Variants in COL11A1 observed in about 807,000 individuals in gnomAD.
COL11A1 encodes collagen type XI alpha 1 chain.
Under a neutral mutation model 265.2 loss-of-function variants are expected in COL11A1, and 74 were observed. That is an observed-to-expected ratio of 0.28 (90% CI 0.23 to 0.34). The LOEUF is 0.34. Ranked by LOEUF, COL11A1 falls within the 10% of genes least tolerant of loss-of-function variation. The pLI is 1.00. For synonymous variants in COL11A1, 816 were observed against 727.6 expected, an observed-to-expected ratio of 1.12 and a Z score of -1.96; for missense variants, 2,165 against 2,263.6, an observed-to-expected ratio of 0.96 and a Z score of 0.88.
At chr1:102,901,789 C>T (rs1653240843) in intron 54 of COL11A1, among the ~76,000 whole-genome samples, 1 of 152,190 alleles carries the variant, frequency 6.6e-6, no homozygotes, top group South Asian at 2.1e-4. Context: ...CTTCTTTTCA[C>T]TATTCAAGTT....
intron 14 of COL11A1, among the ~76,000 whole-genome samples, chr1:103,010,604 G>A (rs1410822527): frequency 6.6e-6 from 1 of 151,984 alleles, no homozygotes; most frequent in East Asian, 1.9e-4. Flanking sequence ...CATTGCTGCC[G>A]TTAGCCTCTA....
rs1288429994 is a variant in COL11A1, at chr1:102,898,828, T to C, written c.4141-55A>G. The C allele has an allele frequency of 4.6e-6, 7 of 1,523,056 alleles. No homozygotes were observed. The East Asian group carries it at 1.2e-4, about 25-fold the overall frequency. 94.3% of individuals were successfully genotyped at this position (1,523,056 alleles called of 1,614,324 possible). On this transcript the variant is annotated intron_variant, in intron 55 of 66. Coordinates refer to ENST00000370096, the MANE Select transcript of COL11A1 (RefSeq NM_001854.4). The stretch of plus-strand genomic sequence containing the variant: ...TAGTGATGAGAAAATACTTTTATTA[T>C]TTTATTAAATGCACTGAAAAAAGTA...
intron 46 of COL11A1, among the ~76,000 whole-genome samples, chr1:102,932,190 A>G (rs569407266): frequency 6.6e-6 from 1 of 151,786 alleles, no homozygotes; most frequent in Admixed American, 6.6e-5. Flanking sequence ...CCTAGTCTCG[A>G]TGGTCTTTAC....
intron 15 of COL11A1, 29 bp downstream of exon 15, chr1:103,008,434 G>A (rs759189134): frequency 6.3e-7 from 1 of 1,594,952 alleles, no homozygotes; most frequent in Non-Finnish European, 8.6e-7. Context: ...AGCCAGTCAA[G>A]AATAAAAAGT....
chr1:103,103,989 A>C (rs1293686688), intron 1 of COL11A1, among the ~76,000 whole-genome samples: 9 of 152,058 alleles, frequency 5.9e-5, no homozygotes, highest in African/African-American at 2.2e-4. Context: ...AAAAACCTTG[A>C]ATATTACAAG....
At chr1:102,935,008 T>A in intron 45 of COL11A1, 52 bp downstream of exon 45, 2 of 1,568,386 alleles carry the variant, frequency 1.3e-6, no homozygotes, top group Non-Finnish European at 1.8e-6. Context: ...TATACAAATT[T>A]AATCAGGGAG....
At chr1:102,995,300 A>G (rs1664516787) in intron 28 of COL11A1, among the ~76,000 whole-genome samples, 1 of 152,104 alleles carries the variant, frequency 6.6e-6, no homozygotes, top group African/African-American at 2.4e-5. Context: ...AAAAGATGCC[A>G]TATGCATTCA....
At chr1:103,013,684 T>A (rs12723922) in intron 13 of COL11A1, among the ~76,000 whole-genome samples, 3,647 of 152,010 alleles carry the variant, frequency 0.024, 62 homozygotes, top group Middle Eastern at 0.088. Context: ...TTTTTACACA[T>A]GCTGCATAAA....
chr1:102,995,703 C>T (rs1664558882), intron 28 of COL11A1, among the ~76,000 whole-genome samples, 161 bp downstream of exon 28: 2 of 151,526 alleles, frequency 1.3e-5, no homozygotes, highest in South Asian at 4.2e-4. Flanking sequence ...AGATATAAGA[C>T]ATTGTTTTTA....
At chr1:102,899,086 A>G in intron 54 of COL11A1, 92 bp from the exon 55 acceptor site, 1 of 634,588 alleles carries the variant, frequency 1.6e-6, no homozygotes. Context: ...TTAGTTTGTA[A>G]CAGATGAATA....
chr1:103,068,661 T>C (rs1036375049), intron 4 of COL11A1, among the ~76,000 whole-genome samples: 1 of 151,208 alleles, frequency 6.6e-6, no homozygotes, highest in African/African-American at 2.4e-5. Context: ...ACTTGCAAAA[T>C]GGTCCCTACT....
At chr1:102,922,173 A>G (rs555197872) in intron 47 of COL11A1, among the ~76,000 whole-genome samples, 94 of 152,300 alleles carry the variant, frequency 6.2e-4, no homozygotes, top group African/African-American at 2.2e-3. Context: ...TCTACAGCGA[A>G]TTTGTTTTTC....
At chr1:103,059,059 G>A (rs1255218616) in intron 4 of COL11A1, among the ~76,000 whole-genome samples, 4 of 152,122 alleles carry the variant, frequency 2.6e-5, no homozygotes, top group Non-Finnish European at 1.5e-5. Context: ...CAACAGACTT[G>A]CTTGATTCAA....
chr1:103,064,401 T>C (rs1010586226), intron 4 of COL11A1, among the ~76,000 whole-genome samples: 2 of 151,960 alleles, frequency 1.3e-5, no homozygotes, highest in Admixed American at 1.3e-4. Context: ...TGAAAATACA[T>C]AGAAGAGGGC....
At chr1:102,960,653 A>T (rs1425326157) in intron 41 of COL11A1, among the ~76,000 whole-genome samples, 1 of 152,034 alleles carries the variant, frequency 6.6e-6, no homozygotes. Context: ...TGTACAGTAT[A>T]CTCTTCTCAA....
In COL11A1 at chr1:103,046,887, G is replaced by C. The variant is rs560730541; in HGVS notation, c.652-15643C>G. Among the ~76,000 whole-genome samples the C allele has an allele frequency of 5.2e-4, 79 of 152,036 alleles. 1 individual carries two copies. The highest frequency in any genetic ancestry group is 1.7e-3 in the African/African-American group (70 of 41,480). On this transcript the variant is annotated intron_variant, in intron 4 of 66. Transcript: ENST00000370096. Reference sequence around the variant, plus strand: ...AATCCTTTCCCCATTGCTTGTTTTTGTCAGGTTTGTCAAAGATCAGATAGC... The same window carrying C: ...AATCCTTTCCCCATTGCTTGTTTTTCTCAGGTTTGTCAAAGATCAGATAGC...
chr1:103,047,712 C>T (rs921047672), intron 4 of COL11A1, among the ~76,000 whole-genome samples: 1 of 151,096 alleles, frequency 6.6e-6, no homozygotes, highest in African/African-American at 2.4e-5. Flanking sequence ...CCAGTTTTTG[C>T]CCATTCAGTA....
chr1:102,880,157 ATCTCTAAG>A (rs927973998), intron 65 of COL11A1: 2 of 478,860 alleles, frequency 4.2e-6, no homozygotes, highest in Non-Finnish European at 3.8e-6. Context: ...AAACCACTTT[ATCTCTAAG>A]TCTTAGTTTC....
intron 9 of COL11A1, among the ~76,000 whole-genome samples, chr1:103,021,072 T>C (rs1667019038): frequency 6.7e-6 from 1 of 150,342 alleles, no homozygotes; most frequent in Non-Finnish European, 1.5e-5. Flanking sequence ...TTCGTGTTGT[T>C]CTACCTTCAG....
Sources: gnomAD v4.1 joint callset for allele counts (sites outside exome capture counted in the v4.1 genomes callset) on GRCh38, gnomAD v4.1.1 for gene constraint, MANE v1.5 for transcripts, NCBI Gene and HGNC (gene_info 2026-07-23, HGNC 2026-07-21) for gene names.